The following CDC42BPA variants were observed in gnomAD, a reference collection of about 807,000 sequenced individuals.
The protein encoded by CDC42BPA is CDC42 binding protein kinase alpha, also known as serine/threonine-protein kinase MRCK alpha.
In CDC42BPA, 80 loss-of-function variants were observed where a neutral mutation model predicts 223.5. The ratio of observed to expected loss-of-function variants is 0.36; its 90% CI spans 0.30 to 0.43. CDC42BPA has a LOEUF of 0.43. Ranked by LOEUF, CDC42BPA falls within the 20% of genes least tolerant of loss-of-function variation. CDC42BPA has a pLI of 1.00. For synonymous variants in CDC42BPA, 694 were observed against 718.6 expected (o/e 0.97, Z 0.55); for missense variants, 1,743 against 2,099.9 (o/e 0.83, Z 3.32).
intron 1 of CDC42BPA, among the ~76,000 whole-genome samples, chr1:227,311,394 G>C (rs1573016726): frequency 6.6e-6 from 1 of 152,060 alleles, no homozygotes; most frequent in African/African-American, 2.4e-5. Flanking sequence ...CTTGGTCCTC[G>C]ATACCTAAAA....
chr1:227,179,815 T>C (rs1667640844), intron 5 of CDC42BPA, among the ~76,000 whole-genome samples: 1 of 151,536 alleles, frequency 6.6e-6, no homozygotes, highest in Admixed American at 6.6e-5. Flanking sequence ...TAGTAATATA[T>C]AAATGACTAC....
chr1:227,015,935 A>G (rs1431954469), intron 34 of CDC42BPA, 145 bp downstream of exon 34: 3 of 607,190 alleles, frequency 4.9e-6, no homozygotes. Flanking sequence ...GTCATCATGT[A>G]TCTTAGACAT....
rs149624500 is a variant in CDC42BPA, at chr1:227,058,756, T to A, written c.2905-6771A>T. On this transcript the variant is annotated intron_variant, in intron 21 of 36. Transcript: ENST00000366766. ...TTACAGTTTGTTAATAATACATATATAAATAATGTTACTGATATTTTTTAA... is the reference window on the plus strand; with the variant it reads ...TTACAGTTTGTTAATAATACATATAAAAATAATGTTACTGATATTTTTTAA... Among the ~76,000 whole-genome samples, 17 of 152,212 alleles carry A rather than the reference T, an allele frequency of 1.1e-4. No homozygotes were observed. The East Asian group carries it at 3.3e-3, about 29-fold the overall frequency.
chr1:227,231,390 C>A (rs1677933278), intron 2 of CDC42BPA, among the ~76,000 whole-genome samples: 1 of 152,016 alleles, frequency 6.6e-6, no homozygotes, highest in Non-Finnish European at 1.5e-5. Context: ...CATTCATGGA[C>A]ATTTGGGTTG....
intron 2 of CDC42BPA, among the ~76,000 whole-genome samples, chr1:227,217,478 T>C (rs571150263): frequency 6.7e-6 from 1 of 149,432 alleles, no homozygotes; most frequent in South Asian, 2.1e-4. Context: ...AAAAAGAAAA[T>C]CTTGCCTGGA....
chr1:227,177,437 C>A (rs1166952440), intron 5 of CDC42BPA, among the ~76,000 whole-genome samples: 1 of 152,112 alleles, frequency 6.6e-6, no homozygotes, highest in East Asian at 1.9e-4. Flanking sequence ...TTTTAGCCCC[C>A]GTGGTCTTGA....
intron 24 of CDC42BPA, among the ~76,000 whole-genome samples, chr1:227,036,383 G>A: frequency 6.6e-6 from 1 of 150,828 alleles, no homozygotes; most frequent in East Asian, 2.0e-4. Context: ...GAGTAGTTGG[G>A]ACTATAGGCA....
intron 23 of CDC42BPA, among the ~76,000 whole-genome samples, chr1:227,045,948 G>C (rs968043678): frequency 1.3e-5 from 2 of 151,986 alleles, no homozygotes; most frequent in African/African-American, 4.8e-5. Flanking sequence ...TGGCACTATA[G>C]GTGCACATCA....
At chr1:227,194,555 T>C (rs552506160) in intron 4 of CDC42BPA, among the ~76,000 whole-genome samples, 38 of 152,344 alleles carry the variant, frequency 2.5e-4, no homozygotes, top group Admixed American at 4.6e-4. Context: ...CAACTAATTT[T>C]AGATATGGAT....
intron 2 of CDC42BPA, among the ~76,000 whole-genome samples, chr1:227,249,475 T>C (rs1190353022): frequency 6.6e-6 from 1 of 152,070 alleles, no homozygotes; most frequent in Non-Finnish European, 1.5e-5. Flanking sequence ...CAACCCACAG[T>C]GAAGAGACAG....
chr1:227,259,970 T>C (rs1683765070), intron 1 of CDC42BPA, among the ~76,000 whole-genome samples: 1 of 150,294 alleles, frequency 6.7e-6, no homozygotes, highest in South Asian at 2.1e-4. Flanking sequence ...ATAATAATCT[T>C]AGCAGGCATT....
In CDC42BPA at chr1:227,023,270, CT is replaced by C; in HGVS notation, c.4607del (p.Lys1536ArgfsTer9). On this transcript the variant is annotated frameshift_variant, in exon 32 of 37. Coordinates refer to ENST00000366766, the MANE Select transcript of CDC42BPA (RefSeq NM_001394014.1). LOFTEE classifies it high-confidence loss of function. ...ETIRLIYFKN[K>X]MAEGDELVVP... ...ATATATGTATTTTCTTACCTGCCAT[CT>C]TATTTTTGAAATATATTAATCTAAT... The C allele has an allele frequency of 1.4e-6, 2 of 1,400,890 alleles. No individual in the cohort carries two copies. The highest frequency in any genetic ancestry group is 2.0e-6 in the Non-Finnish European group (2 of 1,000,006). 86.8% of individuals were successfully genotyped at this position (1,400,890 alleles called of 1,614,324 possible). A position where few individuals can be genotyped will look rare whatever the true frequency, so the allele number is the denominator to read the frequency against.
At chr1:227,272,334 T>A (rs1572769223) in intron 1 of CDC42BPA, among the ~76,000 whole-genome samples, 1 of 152,130 alleles carries the variant, frequency 6.6e-6, no homozygotes, top group African/African-American at 2.4e-5. Flanking sequence ...GTTCTTTGGA[T>A]GGGGAAGAAG....
At chr1:227,109,034 A>T (rs1686429149) in intron 14 of CDC42BPA, among the ~76,000 whole-genome samples, 1 of 152,186 alleles carries the variant, frequency 6.6e-6, no homozygotes, top group Non-Finnish European at 1.5e-5. Flanking sequence ...TAAAAAAGGT[A>T]TGTCGCATAT....
intron 1 of CDC42BPA, among the ~76,000 whole-genome samples, chr1:227,296,650 G>C (rs1030449029): frequency 1.0e-4 from 15 of 148,274 alleles, no homozygotes; most frequent in African/African-American, 3.8e-4. Flanking sequence ...AGGATGCAGA[G>C]AGCCGACATT....
In CDC42BPA at chr1:227,075,803, G is replaced by A. The variant is rs192923725; in HGVS notation, c.2481-1439C>T. Among the ~76,000 whole-genome samples, 10 of 152,192 alleles carry A rather than the reference G, an allele frequency of 6.6e-5. No homozygotes were observed. The East Asian group carries it at 1.9e-3, about 29-fold the overall frequency. Reference sequence around the variant, plus strand: ...ATCCTTTAAGTGCCCAGGCTAACAGGTCTCACCTAGTGCTGGTTTAGTATC... The same window carrying A: ...ATCCTTTAAGTGCCCAGGCTAACAGATCTCACCTAGTGCTGGTTTAGTATC... On this transcript the variant is annotated intron_variant, in intron 17 of 36. Coordinates refer to ENST00000366766, the MANE Select transcript of CDC42BPA (RefSeq NM_001394014.1).
chr1:227,136,768 T>C (rs1316607517), intron 10 of CDC42BPA, among the ~76,000 whole-genome samples: 1 of 152,222 alleles, frequency 6.6e-6, no homozygotes, highest in Non-Finnish European at 1.5e-5. Context: ...AAGAAAAAGC[T>C]GCCAAGCTAG....
chr1:227,100,970 T>G, intron 15 of CDC42BPA, 22 bp downstream of exon 15: 4 of 1,320,662 alleles, frequency 3.0e-6, no homozygotes, highest in Non-Finnish European at 4.3e-6. Context: ...ATTTACTGTA[T>G]AGTAAATAAT....
At chr1:227,309,328 A>T (rs1056834780) in intron 1 of CDC42BPA, among the ~76,000 whole-genome samples, 1 of 152,246 alleles carries the variant, frequency 6.6e-6, no homozygotes, top group East Asian at 1.9e-4. Context: ...ACTCTGAACA[A>T]AAGTTAATAG....
Sources: gnomAD v4.1 joint callset for allele counts (sites outside exome capture counted in the v4.1 genomes callset) on GRCh38, gnomAD v4.1.1 for gene constraint, MANE v1.5 for transcripts, NCBI Gene and HGNC (gene_info 2026-07-23, HGNC 2026-07-21) for gene names.